The following PTGFRN variants were observed in gnomAD, a reference collection of about 807,000 sequenced individuals.
The protein encoded by PTGFRN is prostaglandin F2 receptor negative regulator.
PTGFRN carries 35 observed loss-of-function variants against 83.2 expected under a neutral mutation model. That is an observed-to-expected ratio of 0.42 (90% CI 0.32 to 0.56). PTGFRN has a LOEUF of 0.56. Ranked by LOEUF, PTGFRN falls within the 20% of genes least tolerant of loss-of-function variation. The probability of loss-of-function intolerance (pLI) is 0.11; values close to 1 mark genes in which losing one functional copy is unlikely to be tolerated. For synonymous variants in PTGFRN, 519 were observed against 498.6 expected (o/e 1.04, Z -0.55); for missense variants, 1,051 against 1,179.5 (o/e 0.89, Z 1.60).
rs1263985006 is a variant in PTGFRN at position 116,941,481 on chromosome 1, C to T, written c.50-234C>T. Among the ~76,000 whole-genome samples the T allele has an allele frequency of 6.6e-6, 1 of 152,202 alleles. No individual in the cohort carries two copies. The highest frequency in any genetic ancestry group is 1.9e-4 in the East Asian group (1 of 5,192). ...TAGCCTGCTTTTAATGCTTATCTTC[C>T]TCCCTGTTGGTCCTGGGAAACTGGT... is the stretch of plus-strand genomic sequence containing the variant. On this transcript the variant is annotated intron_variant, in intron 1 of 8. Transcript: ENST00000393203. This position sits in a 1 kb window ranked among gnomAD's most constrained non-coding sequence, Gnocchi z 5.0.
intron 1 of PTGFRN, among the ~76,000 whole-genome samples, chr1:116,911,859 T>G (rs1293008083): frequency 6.6e-6 from 1 of 152,186 alleles, no homozygotes; most frequent in Non-Finnish European, 1.5e-5. Flanking sequence ...AAGTTGTATG[T>G]TAGTGGCGCA....
intron 1 of PTGFRN, among the ~76,000 whole-genome samples, chr1:116,937,988 T>C (rs1489007457): frequency 6.6e-6 from 1 of 152,212 alleles, no homozygotes; most frequent in East Asian, 1.9e-4. Context: ...AGCACAAGGC[T>C]GTTTTGCCTC....
At chr1:116,910,879 G>T (rs1032725481) in intron 1 of PTGFRN, among the ~76,000 whole-genome samples, 93 of 152,282 alleles carry the variant, frequency 6.1e-4, no homozygotes, top group African/African-American at 2.0e-3. Context: ...TCTTGAAGCT[G>T]CCTAGCTGCG....
chr1:116,969,276 A>G (rs1040149988), intron 6 of PTGFRN, among the ~76,000 whole-genome samples: 9 of 152,114 alleles, frequency 5.9e-5, no homozygotes, highest in African/African-American at 2.2e-4. Flanking sequence ...TAATTTTTGT[A>G]TGTGGTTAAG....
At chr1:116,971,804 A>C (rs1033602499) in intron 6 of PTGFRN, among the ~76,000 whole-genome samples, 1 of 152,236 alleles carries the variant, frequency 6.6e-6, no homozygotes, top group African/African-American at 2.4e-5. Flanking sequence ...CATAAAGAAA[A>C]AGTGAAATTT....
At chr1:116,914,847 G>GA (rs1553239933) in intron 1 of PTGFRN, among the ~76,000 whole-genome samples, 3 of 143,416 alleles carry the variant, frequency 2.1e-5, no homozygotes, top group Admixed American at 6.9e-5. Flanking sequence ...TGAGTATTTT[G>GA]TTTTTTTTTC....
chr1:116,960,820 C>A (rs150536920), intron 4 of PTGFRN, among the ~76,000 whole-genome samples: 1 of 152,110 alleles, frequency 6.6e-6, no homozygotes, highest in Non-Finnish European at 1.5e-5. Flanking sequence ...TGGGGTTTTC[C>A]GATACTGTTC....
intron 1 of PTGFRN, among the ~76,000 whole-genome samples, chr1:116,929,838 A>C (rs1255539204): frequency 6.7e-6 from 1 of 150,178 alleles, no homozygotes; most frequent in Non-Finnish European, 1.5e-5. Flanking sequence ...TGCAGGATGA[A>C]CCCCCTGCTT....
Position 116,967,277 on chromosome 1 carries a change from G to A in PTGFRN, c.2006G>A (p.Arg669Gln). ...TCTCCTGTCAGGGGCAGCCTTTGGC[G>A]AGAAGCAGCAACCAGTCTCTCCAAT... The part of the protein sequence containing the change: ...AWSPVRGSLW[R>Q]EAATSLSNPI... The change falls in exon 6 of 9, where the codon CGA (arginine) becomes CAA (glutamine). Residue 669 changes from arginine to glutamine, a missense_variant. Around this residue, in one of 3 missense-constraint regions of PTGFRN, gnomAD observed 719 missense variants for 836.6 expected, o/e 0.86. Transcript: ENST00000393203. 15 of 1,614,212 alleles carry A rather than the reference G, an allele frequency of 9.3e-6. No homozygotes were observed. Among genetic ancestry groups the A allele is most frequent in the Non-Finnish European group, 1.1e-5 (13 of 1,180,030 alleles).
chr1:116,974,352 C>A, intron 7 of PTGFRN, 29 bp downstream of exon 7: 1 of 1,493,206 alleles, frequency 6.7e-7, no homozygotes, highest in Non-Finnish European at 9.3e-7. Context: ...ACCCCTTCAC[C>A]ATGTTGCTTT....
chr1:116,931,813 T>G (rs1649810338), intron 1 of PTGFRN, among the ~76,000 whole-genome samples: 2 of 152,182 alleles, frequency 1.3e-5, no homozygotes, highest in African/African-American at 4.8e-5. Context: ...AGCTCATATG[T>G]GGACTGGGAA....
rs554009593 is a variant in PTGFRN at position 116,923,211 on chromosome 1, A to G, written c.49+12959A>G. On this transcript the variant is annotated intron_variant, in intron 1 of 8. Transcript: ENST00000393203. The surrounding 1 kb of genome is among the most constrained non-coding windows in gnomAD (Gnocchi z 4.0). ...AATCTTTGAATAATTGAATTAATGTATGTGCTTAGAAAAATGCCTATAAGG... is the reference window on the plus strand; with the variant it reads ...AATCTTTGAATAATTGAATTAATGTGTGTGCTTAGAAAAATGCCTATAAGG... 6.6e-6 allele frequency among the ~76,000 whole-genome samples: 1 copy of G among 152,328 alleles called. No individual in the cohort carries two copies. The highest frequency in any genetic ancestry group is 6.5e-5 in the Admixed American group (1 of 15,306).
chr1:116,945,131 G>C, intron 3 of PTGFRN, 39 bp downstream of exon 3: 1 of 1,561,004 alleles, frequency 6.4e-7, no homozygotes, highest in Non-Finnish European at 8.7e-7. Flanking sequence ...ATGTTATTTT[G>C]TGACTAATGA....
chr1:116,951,198 G>A (rs555010145), intron 4 of PTGFRN, among the ~76,000 whole-genome samples: 2 of 152,294 alleles, frequency 1.3e-5, no homozygotes, highest in Admixed American at 1.3e-4. Flanking sequence ...CGGCATACCC[G>A]GGGGGAGATG....
chr1:116,929,176 G>C (rs1477125223), intron 1 of PTGFRN, among the ~76,000 whole-genome samples: 1 of 152,166 alleles, frequency 6.6e-6, no homozygotes, highest in Non-Finnish European at 1.5e-5. Context: ...GATCATTCTT[G>C]ATTGCTCTCT....
At position 116,910,136 on chromosome 1, in the gene PTGFRN, G is replaced by T; in HGVS notation, c.-68G>T. The T allele has an allele frequency of 6.7e-7, 1 of 1,483,612 alleles. No homozygotes were observed. The highest frequency in any genetic ancestry group is 9.0e-7 in the Non-Finnish European group (1 of 1,107,280). 91.9% of individuals were successfully genotyped at this position (1,483,612 alleles called of 1,614,324 possible). A position where few individuals can be genotyped will look rare whatever the true frequency, so the allele number is the denominator to read the frequency against. ...GCCGACTCTGGAGCAGCCGGAGCTG[G>T]AAGAGGAGGAGGAGGAGAGGCGGCG... On this transcript the variant is annotated 5_prime_UTR_variant, in exon 1 of 9. Transcript: ENST00000393203.
chr1:116,933,299 G>C (rs967887619), intron 1 of PTGFRN, among the ~76,000 whole-genome samples: 1 of 150,778 alleles, frequency 6.6e-6, no homozygotes, highest in Non-Finnish European at 1.5e-5. Context: ...CTAGAGATTA[G>C]AACACGTATC....
At chr1:116,922,531 G>A (rs1649562287) in intron 1 of PTGFRN, among the ~76,000 whole-genome samples, 1 of 152,202 alleles carries the variant, frequency 6.6e-6, no homozygotes. Context: ...AATTGGGGAA[G>A]GTACCTTTGT....
intron 1 of PTGFRN, among the ~76,000 whole-genome samples, chr1:116,912,691 C>T (rs1649303205): frequency 6.6e-6 from 1 of 152,142 alleles, no homozygotes. Context: ...TTGGGGCTCC[C>T]ACCTGTTCTC....
Sources: allele counts gnomAD v4.1 joint callset (sites outside exome capture counted in the v4.1 genomes callset), GRCh38; gene constraint gnomAD v4.1.1; regional missense constraint gnomAD v4.1.1; non-coding constraint Gnocchi (gnomAD v3.1); transcripts MANE v1.5; gene names NCBI Gene and HGNC (gene_info 2026-07-23, HGNC 2026-07-21).